THRAP3: variants seen among roughly 807,000 people sequenced by gnomAD.
THRAP3 encodes the protein thyroid hormone receptor associated protein 3, also known as thyroid hormone receptor-associated protein 3.
A neutral mutation model predicts 101.0 loss-of-function variants in THRAP3; 16 were observed. The ratio of observed to expected loss-of-function variants is 0.16; its 90% CI spans 0.11 to 0.24. The LOEUF (loss-of-function observed/expected upper bound fraction) is 0.24, where lower values mean the gene tolerates loss of function less well. THRAP3 is among the 10% of genes least tolerant of loss of function. The pLI, the probability that THRAP3 is intolerant of heterozygous loss-of-function variation, is 1.00. For missense variants in THRAP3, 989 were observed against 1,202.7 expected (o/e 0.82, Z 2.63); for synonymous variants, 407 against 422.6 (o/e 0.96, Z 0.45).
intron 9 of THRAP3, among the ~76,000 whole-genome samples, chr1:36,297,737 C>G (rs1645971343): frequency 6.6e-6 from 1 of 151,810 alleles, no homozygotes; most frequent in African/African-American, 2.4e-5. Flanking sequence ...GCCACCATGC[C>G]TGGCCGCGTT....
At chr1:36,291,900 A>G (rs1040845551) in intron 6 of THRAP3, among the ~76,000 whole-genome samples, 2 of 152,110 alleles carry the variant, frequency 1.3e-5, no homozygotes, top group Non-Finnish European at 2.9e-5. Context: ...TTCTTCCCCA[A>G]AGTATTCTAT....
intron 9 of THRAP3, among the ~76,000 whole-genome samples, chr1:36,298,394 C>A (rs1418216711): frequency 6.6e-6 from 1 of 152,208 alleles, no homozygotes; most frequent in Non-Finnish European, 1.5e-5. Flanking sequence ...GTCTGAATTA[C>A]TAACTCTGAT....
At chr1:36,227,589 A>G (rs1447613401) in intron 1 of THRAP3, among the ~76,000 whole-genome samples, 1 of 152,142 alleles carries the variant, frequency 6.6e-6, no homozygotes, top group East Asian at 1.9e-4. Flanking sequence ...AGCCTACAAC[A>G]GATGGAGGGA....
chr1:36,218,671 G>A, the THRAP3 span, among the ~76,000 whole-genome samples: 3 of 151,726 alleles, frequency 2.0e-5, no homozygotes, highest in African/African-American at 4.8e-5. Flanking sequence ...GCAGTGAGCC[G>A]AGATTGTGCC....
chr1:36,303,790 C>T lies in THRAP3; in HGVS notation c.2647-6C>T. ...TGGCACTGATGGCAATTTTCTTTCC[C>T]CTCAGCATGATGACCGTGAAGGCGA... On this transcript the variant is annotated splice_polypyrimidine_tract_variant and splice_region_variant and intron_variant, in intron 11 of 11. Transcript: ENST00000354618. 6.2e-7 allele frequency: 1 copy of T among 1,613,904 alleles called. No individual in the cohort carries two copies. The highest frequency in any genetic ancestry group is 1.1e-5 in the South Asian group (1 of 91,034).
chr1:36,220,474 G>A (rs1355531466), upstream of THRAP3, among the ~76,000 whole-genome samples: 4 of 152,132 alleles, frequency 2.6e-5, no homozygotes, highest in Admixed American at 6.5e-5. Flanking sequence ...TCAGGAGTTC[G>A]AGACCAGCCT....
In THRAP3 at chr1:36,293,869, C is replaced by T. The variant is rs1392710350; in HGVS notation, c.2049C>T (p.Pro683=). 1.9e-6 allele frequency: 3 copies of T among 1,613,356 alleles called. No individual in the cohort carries two copies. The highest frequency in any genetic ancestry group is 2.5e-6 in the Non-Finnish European group (3 of 1,179,550). Residue 683 remains proline (P), a synonymous_variant, in exon 8 of 12, where the codon CCC becomes CCT. Coordinates refer to ENST00000354618, the MANE Select transcript of THRAP3 (RefSeq NM_005119.4). ...PEIHRRIDIS[P]STFRKHGLAH... ...ATTTTAGGAGAATAGACATTTCCCC[C>T]AGTACATTCAGAAAACATGGTTTGG...
At chr1:36,271,376 G>A (rs1271850696) in intron 2 of THRAP3, among the ~76,000 whole-genome samples, 6 of 151,918 alleles carry the variant, frequency 3.9e-5, no homozygotes, top group East Asian at 1.9e-4. Flanking sequence ...TCCGCCTCCC[G>A]GGTTCAAGCG....
At chr1:36,272,222 T>C (rs1037056491) in intron 2 of THRAP3, among the ~76,000 whole-genome samples, 1 of 152,178 alleles carries the variant, frequency 6.6e-6, no homozygotes. Context: ...TAAATGACCA[T>C]TCTCCCCAGA....
At chr1:36,212,418 C>CTTTCTT in the THRAP3 span, among the ~76,000 whole-genome samples, 3 of 122,048 alleles carry the variant, frequency 2.5e-5, no homozygotes, top group African/African-American at 1.0e-4. Context: ...TTCTTTCTTT[C>CTTTCTT]TTTTTTTTTT....
intron 1 of THRAP3, among the ~76,000 whole-genome samples, chr1:36,235,239 T>C (rs1645072034): frequency 6.6e-6 from 1 of 152,250 alleles, no homozygotes; most frequent in Non-Finnish European, 1.5e-5. Flanking sequence ...ATTATAATTT[T>C]CTTTTTTCTG....
At chr1:36,282,829 G>T in intron 3 of THRAP3, 129 bp downstream of exon 3, 1 of 949,120 alleles carries the variant, frequency 1.1e-6, no homozygotes, top group Non-Finnish European at 1.6e-6. Context: ...GTGCAGGGTT[G>T]GGCTATAAGA....
At chr1:36,273,558 T>C (rs1462955451) in intron 2 of THRAP3, among the ~76,000 whole-genome samples, 2 of 152,224 alleles carry the variant, frequency 1.3e-5, no homozygotes, top group South Asian at 2.1e-4. Context: ...TTATTTACCA[T>C]TGTGTACTAG....
intron 5 of THRAP3, among the ~76,000 whole-genome samples, chr1:36,290,869 T>A (rs2124612716): frequency 6.6e-6 from 1 of 152,252 alleles, no homozygotes; most frequent in South Asian, 2.1e-4. Context: ...TGGTGTAAAC[T>A]ACTCAGGCAG....
chr1:36,239,448 G>T (rs1193321731), intron 1 of THRAP3, among the ~76,000 whole-genome samples: 1 of 152,010 alleles, frequency 6.6e-6, no homozygotes, highest in Non-Finnish European at 1.5e-5. Flanking sequence ...TGTGTTTTTA[G>T]TAGAGACGAG....
chr1:36,233,372 G>A (rs1171477771), intron 1 of THRAP3, among the ~76,000 whole-genome samples: 1 of 151,966 alleles, frequency 6.6e-6, no homozygotes, highest in African/African-American at 2.4e-5. Context: ...CAGGCATGCT[G>A]GTGGGCGCCT....
chr1:36,216,222 T>C, the THRAP3 span, among the ~76,000 whole-genome samples: 3 of 151,050 alleles, frequency 2.0e-5, no homozygotes, highest in Non-Finnish European at 4.4e-5. Context: ...CTACAAAAAA[T>C]TAAAAAGAAA....
chr1:36,207,856 G>A, the THRAP3 span, among the ~76,000 whole-genome samples: 3 of 152,042 alleles, frequency 2.0e-5, no homozygotes, highest in Non-Finnish European at 4.4e-5. Context: ...GCCGTGGCAC[G>A]ATCTTGGCTC....
At chr1:36,240,722 G>A (rs549068845) in intron 1 of THRAP3, among the ~76,000 whole-genome samples, 1 of 151,948 alleles carries the variant, frequency 6.6e-6, no homozygotes, top group Admixed American at 6.6e-5. Context: ...AATAATCCTG[G>A]ACATATTTTG....
Sources: gnomAD v4.1 joint callset for allele counts (sites outside exome capture counted in the v4.1 genomes callset) on GRCh38, gnomAD v4.1.1 for gene constraint, MANE v1.5 for transcripts, NCBI Gene and HGNC (gene_info 2026-07-23, HGNC 2026-07-21) for gene names.